Variants in SPATA21 observed in about 807,000 individuals in gnomAD.
SPATA21 encodes spermatogenesis-associated protein 21.
A neutral mutation model predicts 54.8 loss-of-function variants in SPATA21; 47 were observed. That is an observed-to-expected ratio of 0.86 (90% CI 0.68 to 1.09). The LOEUF (loss-of-function observed/expected upper bound fraction) is 1.09. Ranked by LOEUF, SPATA21 falls within the 50% of genes least tolerant of loss-of-function variation. The pLI, the probability that SPATA21 is intolerant of heterozygous loss-of-function variation, is 0.00. For missense variants in SPATA21, 599 were observed against 596.4 expected, an observed-to-expected ratio of 1.00 and a Z score of -0.05; for synonymous variants, 245 against 235.3, an observed-to-expected ratio of 1.04 and a Z score of -0.38.
intron 2 of SPATA21, 28 bp from the exon 3 acceptor site, chr1:16,431,450 C>T: frequency 6.3e-7 from 1 of 1,587,716 alleles, no homozygotes; most frequent in Non-Finnish European, 8.6e-7. Context: ...TCAAGCGTCC[C>T]ACCAAGCCCA....
chr1:16,434,761 CA>C (rs138561484), intron 1 of SPATA21, among the ~76,000 whole-genome samples: 5,888 of 152,304 alleles, frequency 0.039, 135 homozygotes, highest in African/African-American at 0.044. Context: ...CAGACTTTCT[CA>C]AAGTGGCTGT....
chr1:16,437,084 G>A (rs931938599), intron 1 of SPATA21, 44 bp downstream of exon 1: 8 of 152,112 alleles, frequency 5.3e-5, no homozygotes, highest in African/African-American at 1.7e-4. Flanking sequence ...AGGCCGTCAG[G>A]GAAAGCTTGT....
At position 16,421,060 on chromosome 1, in the gene SPATA21, G is replaced by C. The variant is rs1480238950; in HGVS notation, c.144+449C>G. Among the ~76,000 whole-genome samples, 1 of 152,140 alleles carries C rather than the reference G, an allele frequency of 6.6e-6. No individual in the cohort carries two copies. Among genetic ancestry groups the C allele is most frequent in the East Asian group, 1.9e-4 (1 of 5,192 alleles). ...TGGCAGGGCATGCATGCTAGTGACT[G>C]TGTATTTGCAGGTTGCCTGGTCAGG... On this transcript the variant is annotated intron_variant, in intron 5 of 12. Transcript: ENST00000335496. The surrounding 1 kb of genome is among the most constrained non-coding windows in gnomAD (Gnocchi z 5.2).
intron 5 of SPATA21, among the ~76,000 whole-genome samples, chr1:16,416,156 G>A (rs1274208376): frequency 6.6e-6 from 1 of 152,240 alleles, no homozygotes; most frequent in Admixed American, 6.5e-5. Flanking sequence ...TGCCACAAGT[G>A]CAGTCACGTG....
At chr1:16,408,101 T>C (rs940602704) in intron 7 of SPATA21, among the ~76,000 whole-genome samples, 3 of 152,136 alleles carry the variant, frequency 2.0e-5, no homozygotes, top group African/African-American at 7.2e-5. Flanking sequence ...AGGGGTGAAC[T>C]TCAAGGATGG....
At chr1:16,422,667 G>T (rs755325428) in intron 3 of SPATA21, among the ~76,000 whole-genome samples, 1 of 151,922 alleles carries the variant, frequency 6.6e-6, no homozygotes, top group African/African-American at 2.4e-5. Flanking sequence ...CACCACGCCT[G>T]GCTGATATTT....
intron 5 of SPATA21, among the ~76,000 whole-genome samples, chr1:16,414,753 G>A (rs1248172629): frequency 6.6e-6 from 1 of 151,728 alleles, no homozygotes; most frequent in South Asian, 2.1e-4. Context: ...AATTAGCTGG[G>A]GTTGTTCGCA....
At chr1:16,433,522 C>G (rs950104313) in intron 1 of SPATA21, among the ~76,000 whole-genome samples, 3 of 152,234 alleles carry the variant, frequency 2.0e-5, no homozygotes, top group African/African-American at 7.2e-5. Flanking sequence ...GATGAACCAC[C>G]TAGGGAAAAT....
chr1:16,403,653 G>A, intron 10 of SPATA21, 74 bp downstream of exon 10: 2 of 1,349,410 alleles, frequency 1.5e-6, no homozygotes, highest in Non-Finnish European at 2.1e-6. Flanking sequence ...ACTACCAAAA[G>A]TTCTCAGTGC....
At chr1:16,424,263 A>G (rs1165810329) in intron 3 of SPATA21, among the ~76,000 whole-genome samples, 3 of 30,020 alleles carry the variant, frequency 1.0e-4, no homozygotes, top group African/African-American at 2.7e-4. Flanking sequence ...CAGTGAGCCG[A>G]GATTGCGCCA....
At chr1:16,408,378 A>T in intron 7 of SPATA21, 1 of 750,450 alleles carries the variant, frequency 1.3e-6, no homozygotes, top group Non-Finnish European at 1.6e-6. Context: ...GGCCTTGTTT[A>T]ATGGTGAGGG....
chr1:16,435,896 T>C (rs1291580474), intron 1 of SPATA21, among the ~76,000 whole-genome samples: 3 of 152,210 alleles, frequency 2.0e-5, no homozygotes, highest in Admixed American at 2.0e-4. Context: ...TTTCTCCCAT[T>C]ATGTGGATTA....
intron 7 of SPATA21, among the ~76,000 whole-genome samples, chr1:16,408,205 GGAA>G (rs2085709300): frequency 6.6e-6 from 1 of 152,312 alleles, no homozygotes; most frequent in Non-Finnish European, 1.5e-5. Flanking sequence ...AGTAGGGGAT[GGAA>G]GGAGGATGTA....
intron 5 of SPATA21, chr1:16,410,847 A>G (rs572813625): frequency 8.5e-5 from 34 of 398,808 alleles, no homozygotes; most frequent in Non-Finnish European, 1.5e-4. Context: ...CGCCCGGCTG[A>G]GCCATGGTCT....
Position 16,407,203 on chromosome 1 carries a change from C to T in SPATA21, c.673+1915G>A, listed in dbSNP as rs1220551679. On this transcript the variant is annotated intron_variant, in intron 7 of 12. Coordinates refer to ENST00000335496, the MANE Select transcript of SPATA21 (RefSeq NM_198546.1). ...GGTGTTGGGGCACGTGGTGACCTGT[C>T]GTGCGCAGGCACACCACAGAAGGAA... Among the ~76,000 whole-genome samples the T allele has an allele frequency of 3.9e-5, 6 of 152,158 alleles. 1 individual carries two copies. The highest frequency in any genetic ancestry group is 3.8e-4 in the East Asian group (2 of 5,204).
chr1:16,431,081 A>G (rs1465313389), intron 3 of SPATA21, among the ~76,000 whole-genome samples: 3 of 152,174 alleles, frequency 2.0e-5, no homozygotes, highest in Admixed American at 6.5e-5. Flanking sequence ...CAGTTACCCA[A>G]ACTGATATAT....
chr1:16,415,746 G>A (rs903359143), intron 5 of SPATA21, among the ~76,000 whole-genome samples: 9 of 152,082 alleles, frequency 5.9e-5, no homozygotes, highest in Non-Finnish European at 1.2e-4. Flanking sequence ...TTTTAGTAGA[G>A]ACGGGGTTTC....
At chr1:16,414,893 CA>C (rs528947922) in intron 5 of SPATA21, among the ~76,000 whole-genome samples, 45 of 74,340 alleles carry the variant, frequency 6.1e-4, no homozygotes, top group Admixed American at 2.2e-3. Flanking sequence ...AACCTCATCT[CA>C]AAAAAAAAAA....
In SPATA21 at chr1:16,430,866, T is replaced by C. The variant is rs190544163; in HGVS notation, c.34+472A>G. Among the ~76,000 whole-genome samples, 115 of 152,286 alleles carry C rather than the reference T, an allele frequency of 7.6e-4. No individual in the cohort carries two copies. The Middle Eastern group carries it at 0.01, about 14-fold the overall frequency. ...TGATGCTAGAGACTTGTTTCAACTA[T>C]TGCAAAGAGGCTCACTTCCTGTTGG... On this transcript the variant is annotated intron_variant, in intron 3 of 12. Coordinates refer to ENST00000335496, the MANE Select transcript of SPATA21 (RefSeq NM_198546.1).
Sources: allele counts gnomAD v4.1 joint callset (sites outside exome capture counted in the v4.1 genomes callset), GRCh38; gene constraint gnomAD v4.1.1; non-coding constraint Gnocchi (gnomAD v3.1); transcripts MANE v1.5; gene names NCBI Gene and HGNC (gene_info 2026-07-23, HGNC 2026-07-21).